ARHGEF10: variants seen among roughly 807,000 people sequenced by gnomAD.
ARHGEF10 encodes the protein Rho guanine nucleotide exchange factor (GEF) 10.
A neutral mutation model predicts 147.4 loss-of-function variants in ARHGEF10; 140 were observed. The ratio of observed to expected loss-of-function variants is 0.95; its 90% CI spans 0.83 to 1.09. The LOEUF is 1.09. Among genes scored for constraint, ARHGEF10 ranks in the 50% least tolerant of loss-of-function variants. The pLI, the probability that ARHGEF10 is intolerant of heterozygous loss-of-function variation, is 0.00. For synonymous variants in ARHGEF10, 902 were observed against 695.8 expected (o/e 1.30, Z -4.67); for missense variants, 2,222 against 1,752.7 (o/e 1.27, Z -4.78).
chr8:1,849,533 G>T (rs1295343617), intron 2 of ARHGEF10, among the ~76,000 whole-genome samples: 11 of 147,834 alleles, frequency 7.4e-5, no homozygotes, highest in Admixed American at 1.3e-4. Context: ...AGGAGGGCGT[G>T]GGGCGGCCAC....
In ARHGEF10 at chr8:1,925,375, G is replaced by A. The variant is rs376829517; in HGVS notation, c.2581G>A (p.Val861Met). The A allele has an allele frequency of 1.7e-5, 28 of 1,614,146 alleles. No individual in the cohort carries two copies. In the African/African-American group the frequency reaches 2.1e-4, roughly 12 times the overall value. ...KHPLLVGHMP[V>M]MVAKQQEFKI... ...TCCTCTCCTCGTCGGACACATGCCCGTGATGGTGGCCAAGCAGCAGGAGTT... is the reference window on the plus strand; with the variant it reads ...TCCTCTCCTCGTCGGACACATGCCCATGATGGTGGCCAAGCAGCAGGAGTT... Residue 861 changes from valine (V) to methionine (M), a missense_variant, in exon 22 of 29, where the codon GTG (valine) becomes ATG (methionine). Val to Met is a conservative substitution (Grantham distance 21). Transcript: ENST00000349830.
At chr8:1,840,049 A>G (rs1202222411) in intron 1 of ARHGEF10, among the ~76,000 whole-genome samples, 70 of 54,160 alleles carry the variant, frequency 1.3e-3, no homozygotes, top group Admixed American at 3.5e-3. Flanking sequence ...AAGCTGTCCG[A>G]TATGGGGACT....
chr8:1,860,400 C>T (rs80343271), intron 4 of ARHGEF10, among the ~76,000 whole-genome samples: 2,428 of 142,566 alleles, frequency 0.017, 46 homozygotes, highest in Admixed American at 0.039. Context: ...CCCCCTCCTC[C>T]TCCTCTCCAT....
intron 27 of ARHGEF10, among the ~76,000 whole-genome samples, chr8:1,951,913 T>TCGTAGCCACCGTGAGGCGGGGTCTTCCC: frequency 2.5e-4 from 1 of 4,042 alleles, no homozygotes; most frequent in Non-Finnish European, 6.5e-4. Flanking sequence ...GGGGTCTTCC[T>TCGTAGCCACCGTGAGGCGGGGTCTTCCC]TGTAGCCACC....
Position 1,898,521 on chromosome 8 carries a change from T to C in ARHGEF10, c.1646T>C (p.Leu549Pro). 6.2e-7 allele frequency: 1 copy of C among 1,613,896 alleles called. No individual in the cohort carries two copies. Among genetic ancestry groups the C allele is most frequent in the Non-Finnish European group, 8.5e-7 (1 of 1,179,834 alleles). Residue 549 changes from leucine (L) to proline (P), a missense_variant, in exon 15 of 29, where the codon CTC (leucine) becomes CCC (proline). Coordinates refer to ENST00000349830, the MANE Select transcript of ARHGEF10 (RefSeq NM_014629.4). ...AGGTTCCCACAGTTCATCCTCCTGC[T>C]CCAGGTAAGTGCTTCACGGAGACCT... ...IQRFPQFILL[L>P]QDMLKNTSKG...
At chr8:1,945,252 T>C (rs1814471689) in intron 26 of ARHGEF10, among the ~76,000 whole-genome samples, 2 of 152,188 alleles carry the variant, frequency 1.3e-5, no homozygotes, top group African/African-American at 4.8e-5. Context: ...CATGCCTGTG[T>C]CTTTGGAATG....
intron 18 of ARHGEF10, among the ~76,000 whole-genome samples, chr8:1,918,937 C>G (rs1026818184): frequency 7.3e-5 from 11 of 150,948 alleles, no homozygotes; most frequent in African/African-American, 2.4e-4. Context: ...TGGAGTTGTT[C>G]TGTCAGTGAT....
intron 1 of ARHGEF10, among the ~76,000 whole-genome samples, chr8:1,828,106 C>G (rs78747592): frequency 0.014 from 2,193 of 152,352 alleles, 84 homozygotes; most frequent in East Asian, 0.098. Flanking sequence ...AACACTCTGC[C>G]TCCACTGATA....
rs776592484 is a variant in ARHGEF10, at chr8:1,903,370, A to C, written c.1740A>C (p.Leu580Phe). The change falls in exon 16 of 29, where the codon TTA becomes TTC. Residue 580 changes from leucine to phenylalanine, a missense_variant. Leu to Phe is a conservative substitution (Grantham distance 22). Coordinates refer to ENST00000349830, the MANE Select transcript of ARHGEF10 (RefSeq NM_014629.4). The stretch of plus-strand genomic sequence containing the variant: ...AGCTCGAAACACTAGCAGAGAAGTT[A>C]AATGAAAGAAAGAGAGATGCTGATC... ...LTELETLAEK[L>F]NERKRDADQR... is the part of the protein sequence containing the mutation. The C allele has an allele frequency of 1.2e-6, 2 of 1,614,214 alleles. No individual in the cohort carries two copies. The highest frequency in any genetic ancestry group is 3.3e-5 in the Admixed American group (2 of 60,032).
At chr8:1,917,328 C>G (rs1811833715) in intron 18 of ARHGEF10, among the ~76,000 whole-genome samples, 1 of 152,156 alleles carries the variant, frequency 6.6e-6, no homozygotes, top group South Asian at 2.1e-4. Context: ...GTACATTTGC[C>G]TTAATTTAAG....
At chr8:1,952,886 G>A in intron 28 of ARHGEF10, 59 bp downstream of exon 28, 4 of 1,610,782 alleles carry the variant, frequency 2.5e-6, no homozygotes, top group Non-Finnish European at 3.4e-6. Flanking sequence ...GTGGAGCATA[G>A]CAGTGTGTAG....
rs1463147808 is a variant in ARHGEF10 at position 1,909,409 on chromosome 8, C to G, written c.2082C>G (p.His694Gln). 7.4e-6 allele frequency: 12 copies of G among 1,614,156 alleles called. No homozygotes were observed. The highest frequency in any genetic ancestry group is 7.6e-6 in the Non-Finnish European group (9 of 1,180,042). The change falls in exon 18 of 29, where the codon CAC becomes CAG. Residue 694 changes from histidine (H) to glutamine (Q), a missense_variant. Physicochemically the swap from His to Gln is conservative, Grantham distance 24. Coordinates refer to ENST00000349830, the MANE Select transcript of ARHGEF10 (RefSeq NM_014629.4). ...EYGSSAGTGE[H>Q]SRHLAVHPPE... is the part of the protein sequence containing the mutation. ...GCAGCAGCGCAGGCACGGGCGAGCA[C>G]AGCAGGCACCTTGCCGTTCACCCGC...
At chr8:1,833,924 G>A (rs562537371) in intron 1 of ARHGEF10, among the ~76,000 whole-genome samples, 1 of 152,162 alleles carries the variant, frequency 6.6e-6, no homozygotes, top group Admixed American at 6.5e-5. Context: ...GAGCCGTGTC[G>A]GGGCTGCTGG....
chr8:1,917,632 C>T (rs1417370703), intron 18 of ARHGEF10, among the ~76,000 whole-genome samples: 1 of 152,198 alleles, frequency 6.6e-6, no homozygotes, highest in African/African-American at 2.4e-5. Context: ...AGTGCTTTTG[C>T]GGAAGTGCAG....
chr8:1,836,059 A>T (rs112440871), intron 1 of ARHGEF10, among the ~76,000 whole-genome samples: 89,987 of 150,846 alleles, frequency 0.6, 27,113 homozygotes, highest in Middle Eastern at 0.72. Flanking sequence ...CAGGTGCCTG[A>T]AGTCCCAGCT....
intron 2 of ARHGEF10, among the ~76,000 whole-genome samples, chr8:1,844,440 C>T (rs10100210): frequency 0.26 from 12,002 of 45,816 alleles, 986 homozygotes; most frequent in Non-Finnish European, 0.3. Context: ...GCCTGCTGGA[C>T]GACAGAGACG....
chr8:1,950,180 G>T (rs552053371), intron 27 of ARHGEF10, among the ~76,000 whole-genome samples: 8 of 152,148 alleles, frequency 5.3e-5, no homozygotes, highest in African/African-American at 1.7e-4. Flanking sequence ...CTCCCACCTC[G>T]CCAGCGGACC....
chr8:1,856,118 C>T (rs898353625), intron 2 of ARHGEF10, among the ~76,000 whole-genome samples: 1 of 152,178 alleles, frequency 6.6e-6, no homozygotes, highest in African/African-American at 2.4e-5. Context: ...GTCTTTGACC[C>T]TCTAGGAAGT....
intron 10 of ARHGEF10, 54 bp downstream of exon 10, chr8:1,882,803 C>T: frequency 2.5e-6 from 2 of 788,710 alleles, no homozygotes; most frequent in South Asian, 1.5e-5. Flanking sequence ...GGGGGGCGGC[C>T]ACATCTTGTG....
Sources: allele counts gnomAD v4.1 joint callset (sites outside exome capture counted in the v4.1 genomes callset), GRCh38; gene constraint gnomAD v4.1.1; transcripts MANE v1.5; gene names NCBI Gene and HGNC (gene_info 2026-07-23, HGNC 2026-07-21).